Variants in RSPO2 observed in about 807,000 individuals in gnomAD.
RSPO2 encodes R-spondin-2.
In RSPO2, 14 loss-of-function variants were observed where a neutral mutation model predicts 30.9. The observed-to-expected ratio is 0.45, with a 90% CI of 0.30 to 0.71. The LOEUF is 0.71. RSPO2 is among the 30% of genes least tolerant of loss of function. The probability of loss-of-function intolerance (pLI) is 0.08; values close to 1 mark genes in which losing one functional copy is unlikely to be tolerated. For synonymous variants in RSPO2, 107 were observed against 96.4 expected (o/e 1.11, Z -0.64); for missense variants, 264 against 301.9 (o/e 0.87, Z 0.93).
At chr8:108,050,849 G>A (rs1288449362) in intron 2 of RSPO2, among the ~76,000 whole-genome samples, 1 of 152,090 alleles carries the variant, frequency 6.6e-6, no homozygotes, top group African/African-American at 2.4e-5. Context: ...CAACTCCAAG[G>A]ACAAAAGAAT....
At chr8:107,950,558 G>T (rs2130406281) in intron 5 of RSPO2, among the ~76,000 whole-genome samples, 2 of 151,080 alleles carry the variant, frequency 1.3e-5, no homozygotes, top group East Asian at 1.9e-4. Flanking sequence ...TTTGAGTAAT[G>T]GGCAGGATAT....
chr8:108,071,828 T>C (rs554006094), intron 2 of RSPO2, among the ~76,000 whole-genome samples: 3 of 152,130 alleles, frequency 2.0e-5, no homozygotes, highest in Non-Finnish European at 2.9e-5. Context: ...TTCCACCTAC[T>C]AGAACTACCC....
At chr8:108,031,964 G>C (rs767650879) in intron 2 of RSPO2, among the ~76,000 whole-genome samples, 152 of 152,150 alleles carry the variant, frequency 1.0e-3, no homozygotes, top group Non-Finnish European at 1.9e-3. Flanking sequence ...AGAACAGTAG[G>C]GGGCAGAGGG....
intron 2 of RSPO2, among the ~76,000 whole-genome samples, chr8:108,023,860 A>G (rs1811124455): frequency 6.6e-6 from 1 of 152,170 alleles, no homozygotes; most frequent in Non-Finnish European, 1.5e-5. Context: ...TGGTGGATGG[A>G]AAGAGTTATG....
chr8:108,044,712 G>C (rs1811861039), intron 2 of RSPO2, among the ~76,000 whole-genome samples: 2 of 151,934 alleles, frequency 1.3e-5, no homozygotes, highest in Non-Finnish European at 2.9e-5. Context: ...TTTTCTTTGG[G>C]TATATACGTG....
chr8:107,968,666 TAC>T (rs1301722143), intron 3 of RSPO2, among the ~76,000 whole-genome samples: 22 of 152,080 alleles, frequency 1.4e-4, no homozygotes. Context: ...TCACATGGTA[TAC>T]AGATATCAAA....
intron 5 of RSPO2, among the ~76,000 whole-genome samples, chr8:107,930,136 T>C (rs1812507600): frequency 6.6e-6 from 1 of 152,178 alleles, no homozygotes; most frequent in African/African-American, 2.4e-5. Flanking sequence ...TTCACATGTA[T>C]TGACTTACTT....
intron 2 of RSPO2, among the ~76,000 whole-genome samples, chr8:108,059,710 G>A (rs1008995150): frequency 2.0e-5 from 3 of 148,788 alleles, no homozygotes; most frequent in South Asian, 2.1e-4. Context: ...TAGGGACATG[G>A]ATGAAACTGG....
chr8:107,976,165 C>T (rs1814201610), intron 3 of RSPO2, among the ~76,000 whole-genome samples: 1 of 152,234 alleles, frequency 6.6e-6, no homozygotes, highest in Non-Finnish European at 1.5e-5. Flanking sequence ...TGAAGACCTA[C>T]CTGCCTCACC....
At chr8:108,036,525 G>A (rs1255296132) in intron 2 of RSPO2, among the ~76,000 whole-genome samples, 2 of 152,188 alleles carry the variant, frequency 1.3e-5, no homozygotes, top group Non-Finnish European at 2.9e-5. Flanking sequence ...GATGCCTGTG[G>A]CCATGGCGCT....
At chr8:108,082,039 C>G (rs1813215188) in intron 2 of RSPO2, 2 of 373,338 alleles carry the variant, frequency 5.4e-6, no homozygotes, top group Admixed American at 6.4e-5. Flanking sequence ...TACAGACACA[C>G]GCTTGGGTAC....
intron 3 of RSPO2, among the ~76,000 whole-genome samples, chr8:107,969,428 C>T (rs75678809): frequency 0.028 from 4,258 of 152,164 alleles, 178 homozygotes; most frequent in African/African-American, 0.083. Flanking sequence ...TTGCAATATG[C>T]TGCTAGTAGC....
chr8:107,965,934 G>A (rs1344976180), intron 3 of RSPO2, among the ~76,000 whole-genome samples: 1 of 152,156 alleles, frequency 6.6e-6, no homozygotes, highest in Admixed American at 6.5e-5. Flanking sequence ...TGTGCTATAA[G>A]TTGGAACTTC....
chr8:107,971,087 TA>T (rs2130470569), intron 3 of RSPO2, among the ~76,000 whole-genome samples: 1 of 152,316 alleles, frequency 6.6e-6, no homozygotes, highest in East Asian at 1.9e-4. Context: ...TTTTAAAAAC[TA>T]AAGCACTAGG....
At chr8:107,994,067 T>C (rs1257775272) in intron 2 of RSPO2, among the ~76,000 whole-genome samples, 1 of 151,848 alleles carries the variant, frequency 6.6e-6, no homozygotes, top group Non-Finnish European at 1.5e-5. Flanking sequence ...TTGGAGAAAA[T>C]AAAACAGAAA....
At chr8:107,929,933 G>A (rs1229845545) in intron 5 of RSPO2, among the ~76,000 whole-genome samples, 3 of 152,048 alleles carry the variant, frequency 2.0e-5, no homozygotes, top group Non-Finnish European at 2.9e-5. Flanking sequence ...AGTATTCATA[G>A]AAAAAAATCT....
At chr8:107,957,226 A>G (rs1238212694) in intron 5 of RSPO2, among the ~76,000 whole-genome samples, 1 of 152,256 alleles carries the variant, frequency 6.6e-6, no homozygotes, top group African/African-American at 2.4e-5. Flanking sequence ...ATGAAGGCAA[A>G]CAAAAGTTAT....
rs573647306 is a variant in RSPO2 at position 108,077,769 on chromosome 8, A to C, written c.94+4776T>G. 4.6e-5 allele frequency among the ~76,000 whole-genome samples: 7 copies of C among 152,308 alleles called. No individual in the cohort carries two copies. In the South Asian group the frequency reaches 1.4e-3, roughly 32 times the overall value. On this transcript the variant is annotated intron_variant, in intron 2 of 5. Coordinates refer to ENST00000276659, the MANE Select transcript of RSPO2 (RefSeq NM_178565.5). ...TGAAAATGTATAAATATAGATACGC[A>C]ACACTGTCTTCACCTGATCAGCCCT...
intron 2 of RSPO2, among the ~76,000 whole-genome samples, chr8:107,990,957 G>A (rs751732849): frequency 6.6e-6 from 1 of 152,138 alleles, no homozygotes; most frequent in Non-Finnish European, 1.5e-5. Context: ...GGGGCTGGGT[G>A]CGGTGGCTCA....
Sources: allele counts gnomAD v4.1 joint callset (sites outside exome capture counted in the v4.1 genomes callset), GRCh38; gene constraint gnomAD v4.1.1; transcripts MANE v1.5; gene names NCBI Gene and HGNC (gene_info 2026-07-23, HGNC 2026-07-21).